WDR76: variants seen among roughly 807,000 people sequenced by gnomAD.
The protein encoded by WDR76 is WD repeat domain 76.
Under a neutral mutation model 70.2 loss-of-function variants are expected in WDR76, and 52 were observed. The ratio of observed to expected loss-of-function variants is 0.74; its 90% confidence interval spans 0.59 to 0.93. WDR76 has a LOEUF of 0.93. Among genes scored for constraint, WDR76 ranks in the 40% least tolerant of loss-of-function variants. The pLI, the probability that WDR76 is intolerant of heterozygous loss-of-function variation, is 0.00. For missense variants in WDR76, 756 were observed against 760.2 expected, an observed-to-expected ratio of 0.99 and a Z score of 0.07; for synonymous variants, 292 against 271.1, an observed-to-expected ratio of 1.08 and a Z score of -0.76.
intron 5 of WDR76, among the ~76,000 whole-genome samples, chr15:43,840,774 T>C (rs1221384874): frequency 6.6e-6 from 1 of 151,946 alleles, no homozygotes; most frequent in African/African-American, 2.4e-5. Context: ...AACCCAGAAG[T>C]TTGAGACCAG....
chr15:43,847,554 G>T (rs755088632), intron 8 of WDR76, among the ~76,000 whole-genome samples: 31 of 152,222 alleles, frequency 2.0e-4, no homozygotes, highest in Non-Finnish European at 3.8e-4. Context: ...CCAAGTGGCT[G>T]GGATTACAGG....
At chr15:43,843,663 A>G (rs769363520) in intron 7 of WDR76, among the ~76,000 whole-genome samples, 1 of 152,090 alleles carries the variant, frequency 6.6e-6, no homozygotes, top group East Asian at 1.9e-4. Context: ...TCCACTAGCA[A>G]TATGTGTGAG....
At position 43,845,173 on chromosome 15, in the gene WDR76, T is replaced by C. The variant is rs2087773437; in HGVS notation, c.1032+1119T>C. Among the ~76,000 whole-genome samples the C allele has an allele frequency of 1.3e-5, 2 of 148,738 alleles. 1 individual carries two copies. Among genetic ancestry groups the C allele is most frequent in the South Asian group, 4.2e-4 (2 of 4,750 alleles). On this transcript the variant is annotated intron_variant, in intron 8 of 12. Transcript: ENST00000263795. Reference sequence around the variant, plus strand: ...AGGTGGGGTTTCCCCATGGTCTTGATCTCCTGACCTCGTGATCTGCCTGCC... The same window carrying C: ...AGGTGGGGTTTCCCCATGGTCTTGACCTCCTGACCTCGTGATCTGCCTGCC...
chr15:43,867,301 C>T lies in WDR76; in HGVS notation c.*909C>T, dbSNP rs1307462247. On this transcript the variant is annotated 3_prime_UTR_variant, in exon 13 of 13. Coordinates refer to ENST00000263795, the MANE Select transcript of WDR76 (RefSeq NM_024908.4). ...TGGCTCCTGAGACACAGGCAGGACT[C>T]CCAAGCACCGGGTTGGGATCTGCCC... The T allele has an allele frequency of 6.6e-6, 1 of 152,032 alleles. No individual in the cohort carries two copies. Among genetic ancestry groups the T allele is most frequent in the Non-Finnish European group, 1.5e-5 (1 of 68,016 alleles). 9.4% of individuals were successfully genotyped at this position (152,032 alleles called of 1,614,324 possible). A position where few individuals can be genotyped will look rare whatever the true frequency, so the allele number is the denominator to read the frequency against.
Position 43,836,219 on chromosome 15 carries a change from A to T in WDR76, c.608+3A>T, listed in dbSNP as rs146970010. On this transcript the variant is annotated splice_donor_region_variant and intron_variant, in intron 4 of 12. Coordinates refer to ENST00000263795, the MANE Select transcript of WDR76 (RefSeq NM_024908.4). The stretch of plus-strand genomic sequence containing the variant: ...AGACAGCCTCCTAAATCCAAAAGGT[A>T]AAATATCTAGTTTGCAATGCCTGAA... 980 of 1,609,308 alleles carry T rather than the reference A, an allele frequency of 6.1e-4. 9 individuals are homozygous for T. The East Asian group carries it at 0.021, about 34-fold the overall frequency.
chr15:43,847,566 G>A lies in WDR76; in HGVS notation c.1032+3512G>A, dbSNP rs528460471. Among the ~76,000 whole-genome samples, 15 of 152,192 alleles carry A rather than the reference G, an allele frequency of 9.9e-5. No homozygotes were observed. The South Asian group carries it at 2.3e-3, about 23-fold the overall frequency. On this transcript the variant is annotated intron_variant, in intron 8 of 12. Transcript: ENST00000263795. ...CTCCCAAGTGGCTGGGATTACAGGC[G>A]TCCGCTACCACACCTGGCTAATTTT...
rs1555460598 is a variant in WDR76 at position 43,827,043 on chromosome 15, C to T, written c.11C>T (p.Ser4Leu). The change falls in exon 1 of 13, where the codon TCG becomes TTG. Residue 4 changes from serine (S) to leucine (L), a missense_variant. Ser to Leu is a moderately radical substitution (Grantham distance 145). Transcript: ENST00000263795. ...CTAAGAAGCCGAAAGATGTCCAGGT[C>T]GGGCGCGGCGGCTGAGAAGGCGGAC... MSR[S>L]GAAAEKADSR... is the part of the protein sequence containing the mutation. 1 of 1,614,092 alleles carries T rather than the reference C, an allele frequency of 6.2e-7. No homozygotes were observed. The highest frequency in any genetic ancestry group is 1.7e-4 in the Middle Eastern group (1 of 6,060).
intron 9 of WDR76, 118 bp downstream of exon 9, chr15:43,851,363 C>T: frequency 7.4e-7 from 1 of 1,349,050 alleles, no homozygotes; most frequent in Non-Finnish European, 1.0e-6. Flanking sequence ...ACTTTGAGAA[C>T]TACGCTGCCT....
At chr15:43,832,630 G>A (rs1245559228) in intron 2 of WDR76, among the ~76,000 whole-genome samples, 1 of 151,086 alleles carries the variant, frequency 6.6e-6, no homozygotes, top group Non-Finnish European at 1.5e-5. Flanking sequence ...ATTTTTAGTA[G>A]AGATTAGGTT....
chr15:43,853,594 A>AT (rs1039431233), intron 9 of WDR76, among the ~76,000 whole-genome samples: 1 of 152,302 alleles, frequency 6.6e-6, no homozygotes, highest in African/African-American at 2.4e-5. Flanking sequence ...AAGGATCTGA[A>AT]TAAACATTTC....
chr15:43,833,221 G>T (rs369888233), intron 2 of WDR76, among the ~76,000 whole-genome samples: 1 of 152,004 alleles, frequency 6.6e-6, no homozygotes, highest in Non-Finnish European at 1.5e-5. Flanking sequence ...CTAGAACACA[G>T]TGGTGTCATC....
chr15:43,832,581 G>T (rs886310212), intron 2 of WDR76, among the ~76,000 whole-genome samples: 5 of 151,780 alleles, frequency 3.3e-5, no homozygotes, highest in African/African-American at 1.2e-4. Flanking sequence ...GAGTAGCTAG[G>T]ACTACAGGCA....
At position 43,844,179 on chromosome 15, in the gene WDR76, T is replaced by C; in HGVS notation, c.1032+125T>C. 9 of 805,094 alleles carry C rather than the reference T, an allele frequency of 1.1e-5. No individual in the cohort carries two copies. In the South Asian group the frequency reaches 1.5e-4, roughly 13 times the overall value. 49.9% of individuals were successfully genotyped at this position (805,094 alleles called of 1,614,324 possible). A position where few individuals can be genotyped will look rare whatever the true frequency, so the allele number is the denominator to read the frequency against. On this transcript the variant is annotated intron_variant, in intron 8 of 12. Transcript: ENST00000263795. ...CTTACAATTTTGGGCTTTATGATGC[T>C]TTATGATTCCAAATTTTAGAAATCT... is the stretch of plus-strand genomic sequence containing the variant.
At chr15:43,844,126 G>A (rs2087758257) in intron 8 of WDR76, 72 bp downstream of exon 8, 1 of 1,387,372 alleles carries the variant, frequency 7.2e-7, no homozygotes, top group Non-Finnish European at 9.6e-7. Context: ...ATAGGCTAGA[G>A]CCATGTGTTT....
intron 2 of WDR76, among the ~76,000 whole-genome samples, chr15:43,830,400 C>A (rs1310085988): frequency 6.6e-6 from 1 of 150,632 alleles, no homozygotes; most frequent in South Asian, 2.1e-4. Context: ...CCGTCTCTAC[C>A]AAAAATACAA....
chr15:43,837,877 C>CT (rs11340939), intron 4 of WDR76, among the ~76,000 whole-genome samples: 9 of 102,724 alleles, frequency 8.8e-5, no homozygotes, highest in African/African-American at 1.2e-4. Context: ...TTATTTATTG[C>CT]TTTTTTTTTT....
chr15:43,852,085 C>T (rs1322237322), intron 9 of WDR76, among the ~76,000 whole-genome samples: 1 of 152,174 alleles, frequency 6.6e-6, no homozygotes, highest in Non-Finnish European at 1.5e-5. Flanking sequence ...ACATCTTCTA[C>T]TTAATGTTTA....
At chr15:43,859,072 C>T (rs919253399) in intron 11 of WDR76, among the ~76,000 whole-genome samples, 2 of 152,126 alleles carry the variant, frequency 1.3e-5, no homozygotes, top group African/African-American at 4.8e-5. Flanking sequence ...GGTCTGGCTT[C>T]CCTTTAAGCA....
At chr15:43,858,878 G>A in intron 11 of WDR76, 55 bp downstream of exon 11, 2 of 1,571,958 alleles carry the variant, frequency 1.3e-6, no homozygotes, top group Non-Finnish European at 1.7e-6. Flanking sequence ...TATAGCTACT[G>A]TGTCAGTAAA....
Sources: gnomAD v4.1 joint callset for allele counts (sites outside exome capture counted in the v4.1 genomes callset) on GRCh38, gnomAD v4.1.1 for gene constraint, MANE v1.5 for transcripts, NCBI Gene and HGNC (gene_info 2026-07-23, HGNC 2026-07-21) for gene names.